Variants in CTIF observed in about 807,000 individuals in gnomAD.
CTIF encodes the protein cap binding complex dependent translation initiation factor, also known as CBP80/20-dependent translation initiation factor.
In CTIF, 21 loss-of-function variants were observed where a neutral mutation model predicts 66.0. That is an observed-to-expected ratio of 0.32 (90% CI 0.23 to 0.46). The LOEUF (loss-of-function observed/expected upper bound fraction) is 0.46. CTIF is among the 20% of genes least tolerant of loss of function. The probability of loss-of-function intolerance (pLI) is 1.00; values close to 1 mark genes in which losing one functional copy is unlikely to be tolerated. For synonymous variants in CTIF, 345 were observed against 326.4 expected (o/e 1.06, Z -0.62); for missense variants, 739 against 812.7 (o/e 0.91, Z 1.10).
intron 9 of CTIF, among the ~76,000 whole-genome samples, chr18:48,816,879 A>T (rs894220003): frequency 2.0e-5 from 3 of 152,184 alleles, no homozygotes; most frequent in Non-Finnish European, 4.4e-5. Context: ...TAAGTGGAAA[A>T]GTGCTGAGTC....
At chr18:48,631,681 C>T (rs904833237) in intron 2 of CTIF, among the ~76,000 whole-genome samples, 1 of 152,172 alleles carries the variant, frequency 6.6e-6, no homozygotes, top group East Asian at 1.9e-4. Context: ...TAAATTAAGA[C>T]ACGAATTTTA....
intron 1 of CTIF, among the ~76,000 whole-genome samples, chr18:48,576,070 TC>T (rs2089524144): frequency 6.6e-6 from 1 of 152,232 alleles, no homozygotes; most frequent in African/African-American, 2.4e-5. Flanking sequence ...GGATTGTCCC[TC>T]CCGGTCCTCG....
At chr18:48,827,398 C>T (rs1232498248) in intron 10 of CTIF, among the ~76,000 whole-genome samples, 2 of 152,066 alleles carry the variant, frequency 1.3e-5, no homozygotes, top group Non-Finnish European at 2.9e-5. Flanking sequence ...CCAAATAAAG[C>T]GTGGGCAGGA....
chr18:48,638,912 G>A (rs542838396), intron 3 of CTIF, among the ~76,000 whole-genome samples: 1 of 152,256 alleles, frequency 6.6e-6, no homozygotes, highest in East Asian at 1.9e-4. Context: ...CAGAGGCAAG[G>A]TTTTGTGGGA....
chr18:48,802,304 G>T (rs1026323449), intron 9 of CTIF, among the ~76,000 whole-genome samples: 3 of 152,214 alleles, frequency 2.0e-5, no homozygotes, highest in Non-Finnish European at 4.4e-5. Context: ...CCTAGGCCTG[G>T]CAAACACCTG....
intron 9 of CTIF, among the ~76,000 whole-genome samples, chr18:48,802,448 C>T (rs1387474328): frequency 1.3e-5 from 2 of 152,240 alleles, no homozygotes; most frequent in African/African-American, 4.8e-5. Flanking sequence ...GGGTGGCTGT[C>T]ATGTCTGCAT....
intron 10 of CTIF, among the ~76,000 whole-genome samples, 168 bp from the exon 11 acceptor site, chr18:48,857,420 T>C (rs1008719044): frequency 6.6e-6 from 1 of 152,232 alleles, no homozygotes; most frequent in Non-Finnish European, 1.5e-5. Flanking sequence ...CAACTGACTT[T>C]CTGCTCTCTG....
chr18:48,641,573 C>T (rs1028855915), intron 3 of CTIF, among the ~76,000 whole-genome samples: 1 of 152,224 alleles, frequency 6.6e-6, no homozygotes, highest in Admixed American at 6.5e-5. Context: ...CTTGTTTCAT[C>T]CTGACGCCCT....
chr18:48,729,468 A>C (rs1251709526), intron 7 of CTIF, among the ~76,000 whole-genome samples: 2 of 152,156 alleles, frequency 1.3e-5, no homozygotes, highest in African/African-American at 2.4e-5. Flanking sequence ...AACACAAATA[A>C]AGATGGCTCC....
At chr18:48,730,171 C>CCA (rs1319419114) in intron 7 of CTIF, among the ~76,000 whole-genome samples, 2 of 152,216 alleles carry the variant, frequency 1.3e-5, no homozygotes, top group Non-Finnish European at 2.9e-5. Flanking sequence ...TGAAGGGCCT[C>CCA]CACAGTGTGA....
At chr18:48,834,025 C>T (rs1043890660) in intron 10 of CTIF, among the ~76,000 whole-genome samples, 1 of 150,468 alleles carries the variant, frequency 6.6e-6, no homozygotes, top group South Asian at 2.1e-4. Flanking sequence ...TCTCCCCTTC[C>T]CCCTCCTTTC....
At chr18:48,625,848 A>C (rs2144503259) in intron 2 of CTIF, among the ~76,000 whole-genome samples, 1 of 152,328 alleles carries the variant, frequency 6.6e-6, no homozygotes, top group African/African-American at 2.4e-5. Flanking sequence ...TGCACAAATA[A>C]TGGAGTTTCT....
chr18:48,815,206 T>C (rs2146313448), intron 9 of CTIF, among the ~76,000 whole-genome samples: 1 of 152,374 alleles, frequency 6.6e-6, no homozygotes, highest in East Asian at 1.9e-4. Context: ...CATTGCATCA[T>C]GTTGTATACC....
At chr18:48,579,717 T>C (rs1462026186) in intron 1 of CTIF, among the ~76,000 whole-genome samples, 2 of 152,152 alleles carry the variant, frequency 1.3e-5, no homozygotes, top group African/African-American at 4.8e-5. Context: ...TGGATCTTGG[T>C]GTACCCAGGT....
Position 48,862,265 on chromosome 18 carries a change from G to T in CTIF, c.*2706G>T, listed in dbSNP as rs1436039212. The T allele has an allele frequency of 6.6e-6, 1 of 152,210 alleles. No individual in the cohort carries two copies. Among genetic ancestry groups the T allele is most frequent in the African/African-American group, 2.4e-5 (1 of 41,424 alleles). The allele number at this position is 152,210 out of a possible 1,614,324, so 9.4% of individuals were successfully genotyped here. ...GTGATGAGAGGCAGAGCTGGATATTGCATTTCTAAGGCTTGCATTGCTTTC... is the reference window on the plus strand; with the variant it reads ...GTGATGAGAGGCAGAGCTGGATATTTCATTTCTAAGGCTTGCATTGCTTTC... On this transcript the variant is annotated 3_prime_UTR_variant, in exon 12 of 12. Transcript: ENST00000256413.
intron 2 of CTIF, among the ~76,000 whole-genome samples, chr18:48,622,979 G>A (rs558644361): frequency 1.3e-5 from 2 of 152,256 alleles, no homozygotes; most frequent in South Asian, 2.1e-4. Flanking sequence ...AGAGGTATGC[G>A]TGGCTGATGG....
At chr18:48,689,771 C>T (rs2091899568) in intron 6 of CTIF, among the ~76,000 whole-genome samples, 1 of 152,188 alleles carries the variant, frequency 6.6e-6, no homozygotes, top group Non-Finnish European at 1.5e-5. Context: ...GGGCTAAGTG[C>T]AAAGGTGACT....
At chr18:48,783,495 G>T (rs1911432988) in intron 9 of CTIF, among the ~76,000 whole-genome samples, 1 of 152,178 alleles carries the variant, frequency 6.6e-6, no homozygotes, top group African/African-American at 2.4e-5. Flanking sequence ...TCTGGTTCCA[G>T]AACAGCACGG....
intron 2 of CTIF, among the ~76,000 whole-genome samples, chr18:48,632,961 G>A (rs1225538929): frequency 9.8e-6 from 1 of 101,634 alleles, no homozygotes; most frequent in Non-Finnish European, 2.4e-5. Context: ...TTGGAGCTTG[G>A]AAAGCTCACC....
Sources: gnomAD v4.1 joint callset for allele counts (sites outside exome capture counted in the v4.1 genomes callset) on GRCh38, gnomAD v4.1.1 for gene constraint, MANE v1.5 for transcripts, NCBI Gene and HGNC (gene_info 2026-07-23, HGNC 2026-07-21) for gene names.